The following SIPA1L3 variants were observed in gnomAD, a reference collection of about 807,000 sequenced individuals.
The protein encoded by SIPA1L3 is signal induced proliferation associated 1 like 3.
A neutral mutation model predicts 150.1 loss-of-function variants in SIPA1L3; 59 were observed. That is an observed-to-expected ratio of 0.39 (90% CI 0.32 to 0.49). The LOEUF is 0.49. Among genes scored for constraint, SIPA1L3 ranks in the 20% least tolerant of loss-of-function variants. The probability of loss-of-function intolerance (pLI) is 0.86; values close to 1 mark genes in which losing one functional copy is unlikely to be tolerated. For missense variants in SIPA1L3, 2,211 were observed against 2,489.5 expected (o/e 0.89, Z 2.38); for synonymous variants, 1,070 against 1,077.6 (o/e 0.99, Z 0.14).
chr19:38,124,253 T>TTGGG (rs1971112394), intron 9 of SIPA1L3, among the ~76,000 whole-genome samples: 1 of 141,668 alleles, frequency 7.1e-6, no homozygotes, highest in Admixed American at 7.1e-5. Flanking sequence ...GATGGGGCGG[T>TTGGG]TGCCAGGCGG....
At chr19:38,114,545 C>G (rs929121064) in intron 8 of SIPA1L3, among the ~76,000 whole-genome samples, 11 of 152,166 alleles carry the variant, frequency 7.2e-5, no homozygotes, top group Non-Finnish European at 1.2e-4. Context: ...ATCCCCCTGC[C>G]TGGGGTAAGG....
chr19:38,056,314 C>A (rs539418737), intron 2 of SIPA1L3, among the ~76,000 whole-genome samples: 1 of 152,346 alleles, frequency 6.6e-6, no homozygotes, highest in East Asian at 1.9e-4. Flanking sequence ...GACAGCCAGT[C>A]GGGCCACTGC....
At chr19:38,122,051 T>A (rs1029906596) in intron 9 of SIPA1L3, among the ~76,000 whole-genome samples, 4 of 151,294 alleles carry the variant, frequency 2.6e-5, no homozygotes, top group African/African-American at 9.7e-5. Context: ...TAAAACCTCA[T>A]CTCTACTAAA....
chr19:38,091,404 A>C (rs1315974913), intron 4 of SIPA1L3, among the ~76,000 whole-genome samples: 1 of 152,096 alleles, frequency 6.6e-6, no homozygotes, highest in Non-Finnish European at 1.5e-5. Context: ...ATACATACAC[A>C]TATGTATATA....
Position 38,164,830 on chromosome 19 carries a change from C to T in SIPA1L3, c.4132C>T (p.Pro1378Ser), listed in dbSNP as rs1364600460. 1.9e-6 allele frequency: 3 copies of T among 1,608,536 alleles called. No homozygotes were observed. The highest frequency in any genetic ancestry group is 1.7e-5 in the Admixed American group (1 of 59,818). Residue 1378 changes from proline (P) to serine (S), a missense_variant, in exon 15 of 22, where the codon CCG (proline) becomes TCG (serine). Around this residue, in one of 5 missense-constraint regions of SIPA1L3, gnomAD observed 806 missense variants for 870.1 expected, o/e 0.93. Coordinates refer to ENST00000222345, the MANE Select transcript of SIPA1L3 (RefSeq NM_015073.3). The surrounding 1 kb of genome is among the most constrained non-coding windows in gnomAD (Gnocchi z 4.1). ...AVAGQSKGYR[P>S]KLYSSGSSTP... Reference sequence around the variant, plus strand: ...TGCCGGCCAAAGCAAGGGCTACCGACCGAAGCTGTACTCCTCCGGCTCCAG... The same window carrying T: ...TGCCGGCCAAAGCAAGGGCTACCGATCGAAGCTGTACTCCTCCGGCTCCAG...
At chr19:38,166,174 G>A (rs1972204346) in intron 15 of SIPA1L3, among the ~76,000 whole-genome samples, 1 of 152,088 alleles carries the variant, frequency 6.6e-6, no homozygotes, top group African/African-American at 2.4e-5. Context: ...AGTAGGCATT[G>A]GCTGGAAACG....
chr19:37,997,864 CAAAAAAAAAA>C (rs967452351), intron 1 of SIPA1L3, among the ~76,000 whole-genome samples: 1 of 69,282 alleles, frequency 1.4e-5, no homozygotes, highest in Non-Finnish European at 3.0e-5. Context: ...GACTCCATCT[CAAAAAAAAAA>C]AAAAAAAGAA....
At chr19:38,179,277 A>C (rs1287865394) in intron 15 of SIPA1L3, among the ~76,000 whole-genome samples, 1 of 152,156 alleles carries the variant, frequency 6.6e-6, no homozygotes, top group Non-Finnish European at 1.5e-5. Context: ...CCCTGTCTCT[A>C]CTAAAAATAC....
intron 1 of SIPA1L3, among the ~76,000 whole-genome samples, chr19:37,948,986 C>G (rs2046737779): frequency 6.6e-6 from 1 of 152,172 alleles, no homozygotes; most frequent in African/African-American, 2.4e-5. Flanking sequence ...GGGAGAATGG[C>G]AGGAGATGGC....
intron 9 of SIPA1L3, among the ~76,000 whole-genome samples, chr19:38,128,907 A>T (rs918035296): frequency 6.6e-6 from 1 of 151,904 alleles, no homozygotes; most frequent in South Asian, 2.1e-4. Flanking sequence ...AAAAAAAAAA[A>T]TTTATTCCTT....
chr19:38,110,967 C>A (rs1245721741), intron 8 of SIPA1L3, among the ~76,000 whole-genome samples: 1 of 151,662 alleles, frequency 6.6e-6, no homozygotes, highest in Non-Finnish European at 1.5e-5. Flanking sequence ...GCAGGGCCTA[C>A]CTGTGGAGGT....
chr19:38,073,573 G>A (rs577386151), intron 2 of SIPA1L3, among the ~76,000 whole-genome samples: 3 of 152,284 alleles, frequency 2.0e-5, no homozygotes, highest in African/African-American at 7.2e-5. Context: ...GTGTCACTCG[G>A]GGTCCTCTGA....
chr19:38,176,579 C>T (rs1385164470), intron 15 of SIPA1L3, among the ~76,000 whole-genome samples: 1 of 151,954 alleles, frequency 6.6e-6, no homozygotes, highest in Non-Finnish European at 1.5e-5. Flanking sequence ...ACTTTTATTC[C>T]GTACATGTTC....
chr19:38,195,982 A>C lies in SIPA1L3; in HGVS notation c.4840+2202A>C, dbSNP rs1303050667. Among the ~76,000 whole-genome samples, 5 of 151,898 alleles carry C rather than the reference A, an allele frequency of 3.3e-5. 1 individual carries two copies. The highest frequency in any genetic ancestry group is 1.2e-4 in the African/African-American group (5 of 41,332). On this transcript the variant is annotated intron_variant, in intron 18 of 21. Coordinates refer to ENST00000222345, the MANE Select transcript of SIPA1L3 (RefSeq NM_015073.3). ...GTGACCCCAGCTCAGGTCCCTCTGC[A>C]TCACACAGCACACACACACCCTTCT...
At chr19:38,020,453 C>T (rs541977758) in intron 1 of SIPA1L3, among the ~76,000 whole-genome samples, 15 of 152,292 alleles carry the variant, frequency 9.8e-5, no homozygotes, top group Non-Finnish European at 1.2e-4. Context: ...ACCCAACAGT[C>T]GAAACCACAT....
chr19:38,007,667 G>T (rs59472178), intron 1 of SIPA1L3, among the ~76,000 whole-genome samples: 1 of 151,600 alleles, frequency 6.6e-6, no homozygotes, highest in Non-Finnish European at 1.5e-5. Context: ...CCCTGTTAGA[G>T]CACTCTTAAC....
intron 13 of SIPA1L3, among the ~76,000 whole-genome samples, chr19:38,155,686 G>A (rs1971930093): frequency 6.6e-6 from 1 of 152,176 alleles, no homozygotes; most frequent in Admixed American, 6.5e-5. Flanking sequence ...AGCTGGGAGA[G>A]CTGACCCCAT....
chr19:37,973,220 GA>G (rs1172982906), intron 1 of SIPA1L3, among the ~76,000 whole-genome samples: 6 of 144,580 alleles, frequency 4.1e-5, no homozygotes, highest in East Asian at 2.1e-4. Context: ...CATGGTGTAT[GA>G]AAAAAAAGCG....
intron 1 of SIPA1L3, among the ~76,000 whole-genome samples, chr19:38,007,990 A>G (rs1967998570): frequency 2.6e-5 from 4 of 152,024 alleles, no homozygotes; most frequent in Admixed American, 1.3e-4. Context: ...TCCTTTCTGT[A>G]TCCCCAGCGT....
Sources: allele counts gnomAD v4.1 joint callset (sites outside exome capture counted in the v4.1 genomes callset), GRCh38; gene constraint gnomAD v4.1.1; regional missense constraint gnomAD v4.1.1; non-coding constraint Gnocchi (gnomAD v3.1); transcripts MANE v1.5; gene names NCBI Gene and HGNC (gene_info 2026-07-23, HGNC 2026-07-21).